Variants in ARL8B observed in about 807,000 individuals in gnomAD.
ARL8B encodes ADP-ribosylation factor-like protein 8B.
ARL8B carries 9 observed loss-of-function variants against 30.6 expected under a neutral mutation model. The observed-to-expected ratio is 0.29, with a 90% CI of 0.18 to 0.51. The LOEUF (loss-of-function observed/expected upper bound fraction) is 0.51, where lower values mean the gene tolerates loss of function less well. Among genes scored for constraint, ARL8B ranks in the 20% least tolerant of loss-of-function variants. The pLI, the probability that ARL8B is intolerant of heterozygous loss-of-function variation, is 0.97. For missense variants in ARL8B, 130 were observed against 227.2 expected, an observed-to-expected ratio of 0.57 and a Z score of 2.75; for synonymous variants, 74 against 76.0, an observed-to-expected ratio of 0.97 and a Z score of 0.14.
chr3:5,136,379 T>A (rs2054325923), intron 1 of ARL8B, among the ~76,000 whole-genome samples: 1 of 152,220 alleles, frequency 6.6e-6, no homozygotes, highest in Non-Finnish European at 1.5e-5. Flanking sequence ...AAGTGTACTG[T>A]TCCATAAAAT....
At chr3:5,163,857 C>G (rs1281167702) in intron 1 of ARL8B, among the ~76,000 whole-genome samples, 1 of 151,884 alleles carries the variant, frequency 6.6e-6, no homozygotes, top group African/African-American at 2.4e-5. Context: ...GCGACAGGAG[C>G]AAAACTCCGT....
chr3:5,130,626 T>C (rs567305125), intron 1 of ARL8B, among the ~76,000 whole-genome samples: 27 of 152,064 alleles, frequency 1.8e-4, no homozygotes, highest in Non-Finnish European at 1.5e-5. Flanking sequence ...CTCTGCCTCC[T>C]GGGTTCAGAT....
At chr3:5,141,553 A>T (rs574886195) in intron 1 of ARL8B, among the ~76,000 whole-genome samples, 3 of 152,222 alleles carry the variant, frequency 2.0e-5, no homozygotes, top group South Asian at 2.1e-4. Flanking sequence ...AGATGTAAGG[A>T]TTGAAGCCAC....
intron 1 of ARL8B, among the ~76,000 whole-genome samples, chr3:5,131,144 A>T (rs1260943472): frequency 6.6e-6 from 1 of 152,034 alleles, no homozygotes; most frequent in Middle Eastern, 3.2e-3. Context: ...AACTCCTGTG[A>T]TCTGTCCGCC....
At chr3:5,158,233 C>T (rs1289533545) in intron 1 of ARL8B, among the ~76,000 whole-genome samples, 3 of 152,208 alleles carry the variant, frequency 2.0e-5, no homozygotes, top group Admixed American at 2.0e-4. Flanking sequence ...ATCTTCCCAC[C>T]TTGGCCTCCC....
chr3:5,176,614 C>G (rs1410134356), intron 6 of ARL8B, among the ~76,000 whole-genome samples: 1 of 152,192 alleles, frequency 6.6e-6, no homozygotes, highest in Non-Finnish European at 1.5e-5. Context: ...CCAGGGCAGT[C>G]TCAGCCTTAG....
Position 5,174,009 on chromosome 3 carries a change from T to C in ARL8B, c.373-8T>C. 6.2e-7 allele frequency: 1 copy of C among 1,606,114 alleles called. No homozygotes were observed. The highest frequency in any genetic ancestry group is 8.5e-7 in the Non-Finnish European group (1 of 1,173,380). ...AACGTGTGCTCTTAATATCTTTTCT[T>C]TTTAAAGGTGCTAGTGCTTGGAAAC... On this transcript the variant is annotated splice_polypyrimidine_tract_variant and splice_region_variant and intron_variant, in intron 4 of 6. Coordinates refer to ENST00000256496, the MANE Select transcript of ARL8B (RefSeq NM_018184.3).
chr3:5,143,672 GA>G (rs2054395324), intron 1 of ARL8B, among the ~76,000 whole-genome samples: 1 of 152,246 alleles, frequency 6.6e-6, no homozygotes, highest in Admixed American at 6.5e-5. Flanking sequence ...AGGTTGGGTG[GA>G]GCTTGTCTTC....
intron 1 of ARL8B, among the ~76,000 whole-genome samples, chr3:5,143,276 T>C (rs532561031): frequency 3.3e-5 from 5 of 152,206 alleles, no homozygotes; most frequent in Non-Finnish European, 2.9e-5. Flanking sequence ...CCATATTAAC[T>C]TCCAGAAATG....
chr3:5,128,743 A>C (rs928996661), intron 1 of ARL8B, among the ~76,000 whole-genome samples: 2 of 152,218 alleles, frequency 1.3e-5, no homozygotes, highest in Non-Finnish European at 2.9e-5. Flanking sequence ...ATAAGGTAGA[A>C]GAAGCCACTT....
At chr3:5,141,040 C>T (rs1012992123) in intron 1 of ARL8B, among the ~76,000 whole-genome samples, 23 of 152,208 alleles carry the variant, frequency 1.5e-4, no homozygotes, top group Admixed American at 1.4e-3. Flanking sequence ...TCTTCCTGGA[C>T]ATTGCCTAAG....
At chr3:5,177,815 G>A (rs779073082) in intron 6 of ARL8B, among the ~76,000 whole-genome samples, 2 of 152,192 alleles carry the variant, frequency 1.3e-5, no homozygotes, top group Non-Finnish European at 2.9e-5. Context: ...CTCCCATTCA[G>A]TTCCAATGAG....
intron 1 of ARL8B, among the ~76,000 whole-genome samples, chr3:5,142,373 C>T (rs1458297244): frequency 6.6e-6 from 1 of 152,102 alleles, no homozygotes; most frequent in Non-Finnish European, 1.5e-5. Context: ...TGGGATCTGA[C>T]CTCTGCAATG....
intron 1 of ARL8B, among the ~76,000 whole-genome samples, chr3:5,128,104 G>C (rs932063849): frequency 7.4e-6 from 1 of 134,278 alleles, no homozygotes; most frequent in Middle Eastern, 4.4e-3. Flanking sequence ...CGGAGGTTGC[G>C]TTGAGCCGAA....
At chr3:5,124,072 T>G (rs1468459953) in intron 1 of ARL8B, among the ~76,000 whole-genome samples, 1 of 152,028 alleles carries the variant, frequency 6.6e-6, no homozygotes, top group Non-Finnish European at 1.5e-5. Context: ...TTTGCTTTGT[T>G]GCTCAGGCTA....
intron 1 of ARL8B, among the ~76,000 whole-genome samples, chr3:5,166,100 C>T (rs1042962577): frequency 1.3e-4 from 19 of 144,956 alleles, no homozygotes; most frequent in Non-Finnish European, 2.2e-4. Flanking sequence ...AGTGCAGTGG[C>T]GTGATCTTGG....
chr3:5,129,847 A>G (rs966706388), intron 1 of ARL8B, among the ~76,000 whole-genome samples: 1 of 152,044 alleles, frequency 6.6e-6, no homozygotes, highest in African/African-American at 2.4e-5. Context: ...GTGAGGCCAC[A>G]TTCTCCACAT....
At chr3:5,146,796 A>G (rs530579297) in intron 1 of ARL8B, among the ~76,000 whole-genome samples, 6 of 152,226 alleles carry the variant, frequency 3.9e-5, no homozygotes, top group Non-Finnish European at 7.4e-5. Context: ...GGAACCTGAA[A>G]TCTCTCCCTT....
chr3:5,174,235 T>C, intron 5 of ARL8B, 109 bp from the exon 6 acceptor site: 1 of 1,070,386 alleles, frequency 9.3e-7, no homozygotes, highest in Non-Finnish European at 1.4e-6. Flanking sequence ...TTAGGATTGC[T>C]ACGATGATTT....
Sources: allele counts gnomAD v4.1 joint callset (sites outside exome capture counted in the v4.1 genomes callset), GRCh38; gene constraint gnomAD v4.1.1; transcripts MANE v1.5; gene names NCBI Gene and HGNC (gene_info 2026-07-23, HGNC 2026-07-21).